Variants in PRKN observed in about 807,000 individuals in gnomAD.
PRKN encodes E3 ubiquitin-protein ligase parkin.
In PRKN, 56 loss-of-function variants were observed where a neutral mutation model predicts 59.5. That is an observed-to-expected ratio of 0.94 (90% CI 0.76 to 1.18). PRKN has a LOEUF of 1.18. Ranked by LOEUF, PRKN falls within the 50% of genes most tolerant of loss-of-function variation. The pLI is 0.00. For synonymous variants in PRKN, 250 were observed against 222.1 expected (o/e 1.13, Z -1.12); for missense variants, 657 against 596.4 (o/e 1.10, Z -1.06).
chr6:161,358,302 T>G (rs1240882151), intron 11 of PRKN, among the ~76,000 whole-genome samples: 2 of 152,016 alleles, frequency 1.3e-5, no homozygotes, highest in Non-Finnish European at 2.9e-5. Flanking sequence ...GAATTATTAT[T>G]AAAAAACAAA....
At chr6:162,710,414 C>CAA (rs1554264175) in intron 1 of PRKN, among the ~76,000 whole-genome samples, 1 of 149,988 alleles carries the variant, frequency 6.7e-6, no homozygotes, top group African/African-American at 2.5e-5. Context: ...CACACACACA[C>CAA]AACTGTTTGG....
At chr6:162,462,136 G>A (rs966840360) in intron 1 of PRKN, among the ~76,000 whole-genome samples, 2 of 152,086 alleles carry the variant, frequency 1.3e-5, no homozygotes, top group Admixed American at 6.6e-5. Context: ...AACTTTTAAC[G>A]AGCTAAATTT....
intron 6 of PRKN, among the ~76,000 whole-genome samples, chr6:161,950,751 A>G (rs1182554187): frequency 6.6e-6 from 1 of 152,086 alleles, no homozygotes; most frequent in African/African-American, 2.4e-5. Flanking sequence ...ACATTTAAAT[A>G]TTTACACAAA....
At chr6:161,924,515 T>C (rs574276708) in intron 6 of PRKN, among the ~76,000 whole-genome samples, 3 of 152,294 alleles carry the variant, frequency 2.0e-5, no homozygotes, top group East Asian at 3.9e-4. Flanking sequence ...ACTCACTGAA[T>C]CTATAAATGA....
chr6:161,599,879 G>A lies in PRKN; in HGVS notation c.872-30463C>T, dbSNP rs549726518. ...AAACAATCAAATGTTGATGGGTGAG[G>A]AATGTACAGAGACAGCAACACAGGG... On this transcript the variant is annotated intron_variant, in intron 7 of 11. Coordinates refer to ENST00000366898, the MANE Select transcript of PRKN (RefSeq NM_004562.3). 3.3e-5 allele frequency among the ~76,000 whole-genome samples: 5 copies of A among 152,292 alleles called. No individual in the cohort carries two copies. In the South Asian group the frequency reaches 1.0e-3, roughly 32 times the overall value.
chr6:161,523,328 G>T (rs1207556429), intron 9 of PRKN, among the ~76,000 whole-genome samples: 1 of 152,116 alleles, frequency 6.6e-6, no homozygotes, highest in Non-Finnish European at 1.5e-5. Flanking sequence ...AGTCAGTGTG[G>T]TTTCTTATCA....
intron 2 of PRKN, among the ~76,000 whole-genome samples, chr6:162,295,512 T>C (rs1410821090): frequency 6.6e-6 from 1 of 152,110 alleles, no homozygotes; most frequent in Admixed American, 6.6e-5. Flanking sequence ...CACATGCGTC[T>C]CCCCTCCAAA....
At chr6:162,074,693 C>T (rs1778742468) in intron 4 of PRKN, among the ~76,000 whole-genome samples, 1 of 152,158 alleles carries the variant, frequency 6.6e-6, no homozygotes, top group Non-Finnish European at 1.5e-5. Flanking sequence ...GACTCGTCCT[C>T]CACGAAAATG....
chr6:162,472,930 T>C (rs1791830725), intron 1 of PRKN, among the ~76,000 whole-genome samples: 1 of 151,636 alleles, frequency 6.6e-6, no homozygotes, highest in African/African-American at 2.4e-5. Context: ...CAGAAACCTA[T>C]AGTTGTGGTG....
intron 4 of PRKN, among the ~76,000 whole-genome samples, chr6:162,189,420 G>T (rs12110591): frequency 0.092 from 13,945 of 150,854 alleles, 1,918 homozygotes; most frequent in African/African-American, 0.3. Flanking sequence ...CCTATTCTAA[G>T]ATTATGGATA....
intron 7 of PRKN, among the ~76,000 whole-genome samples, chr6:161,606,464 G>A (rs1271142637): frequency 6.6e-6 from 1 of 152,200 alleles, no homozygotes; most frequent in Non-Finnish European, 1.5e-5. Context: ...GTTCCATGTG[G>A]CAGACTGAAC....
chr6:162,411,956 C>A (rs1013881646), intron 2 of PRKN, among the ~76,000 whole-genome samples: 1 of 152,074 alleles, frequency 6.6e-6, no homozygotes, highest in South Asian at 2.1e-4. Flanking sequence ...ACACAATGTC[C>A]AACTATTGAG....
intron 6 of PRKN, among the ~76,000 whole-genome samples, chr6:161,940,414 T>C (rs1779519398): frequency 6.6e-6 from 1 of 152,312 alleles, no homozygotes; most frequent in Non-Finnish European, 1.5e-5. Context: ...GGTGCCTCCA[T>C]GGCTGCTCAA....
intron 2 of PRKN, among the ~76,000 whole-genome samples, chr6:162,404,946 A>G (rs749372962): frequency 6.6e-6 from 1 of 152,300 alleles, no homozygotes; most frequent in South Asian, 2.1e-4. Context: ...TCCTTCATAG[A>G]TCTCTATATA....
chr6:162,407,499 C>G (rs961811979), intron 2 of PRKN, among the ~76,000 whole-genome samples: 1 of 152,204 alleles, frequency 6.6e-6, no homozygotes, highest in East Asian at 1.9e-4. Flanking sequence ...CTGAAGATCA[C>G]TACCCATTAA....
chr6:162,356,633 GAGA>G (rs756572671), intron 2 of PRKN, among the ~76,000 whole-genome samples: 12 of 148,826 alleles, frequency 8.1e-5, no homozygotes, highest in East Asian at 2.0e-4. Context: ...AGCTTATATA[GAGA>G]AGAAGAAGAC....
At chr6:161,358,332 G>A (rs1211659089) in intron 11 of PRKN, among the ~76,000 whole-genome samples, 3 of 150,754 alleles carry the variant, frequency 2.0e-5, no homozygotes, top group African/African-American at 4.9e-5. Flanking sequence ...AATTAAGGCC[G>A]GGCACAGTGG....
intron 11 of PRKN, among the ~76,000 whole-genome samples, chr6:161,351,211 G>A (rs915255963): frequency 2.1e-5 from 3 of 140,230 alleles, no homozygotes; most frequent in African/African-American, 2.7e-5. Flanking sequence ...CTAATATAAT[G>A]TATAATAATT....
At chr6:161,803,421 T>C (rs1184318108) in intron 6 of PRKN, among the ~76,000 whole-genome samples, 4 of 152,226 alleles carry the variant, frequency 2.6e-5, no homozygotes, top group African/African-American at 7.2e-5. Flanking sequence ...CATAATCCAG[T>C]ACGTGGCATG....
Sources: allele counts gnomAD v4.1 joint callset (sites outside exome capture counted in the v4.1 genomes callset), GRCh38; gene constraint gnomAD v4.1.1; transcripts MANE v1.5; gene names NCBI Gene and HGNC (gene_info 2026-07-23, HGNC 2026-07-21).